USP32: variants seen among roughly 807,000 people sequenced by gnomAD.
The protein encoded by USP32 is ubiquitin carboxyl-terminal hydrolase 32.
USP32 carries 59 observed loss-of-function variants against 204.8 expected under a neutral mutation model. The ratio of observed to expected loss-of-function variants is 0.29; its 90% CI spans 0.23 to 0.36. The LOEUF is 0.36. Among genes scored for constraint, USP32 ranks in the 10% least tolerant of loss-of-function variants. The pLI is 1.00. For synonymous variants in USP32, 517 were observed against 678.4 expected (o/e 0.76, Z 3.70); for missense variants, 1,160 against 1,946.4 (o/e 0.60, Z 7.60).
intron 1 of USP32, among the ~76,000 whole-genome samples, chr17:60,385,581 C>T (rs1419483804): frequency 2.0e-5 from 3 of 151,748 alleles, no homozygotes; most frequent in African/African-American, 4.8e-5. Context: ...GTGGCTCACG[C>T]CTATAATCTC....
chr17:60,320,252 T>C (rs1012853901), intron 2 of USP32, among the ~76,000 whole-genome samples: 8 of 152,172 alleles, frequency 5.3e-5, no homozygotes, highest in African/African-American at 9.7e-5. Context: ...ATGTTTCTGG[T>C]CACAAAAATA....
chr17:60,339,444 G>A (rs1374830697), intron 2 of USP32, among the ~76,000 whole-genome samples: 4 of 151,648 alleles, frequency 2.6e-5, no homozygotes, highest in African/African-American at 9.7e-5. Context: ...TTAGCCAGGC[G>A]TGGTGGTGGG....
In USP32 at chr17:60,269,501, A is replaced by T; in HGVS notation, c.760T>A (p.Ser254Thr). Residue 254 changes from serine to threonine, a missense_variant, in exon 7 of 34, where the codon TCC becomes ACC. By Grantham distance (58) the Ser-to-Thr change is moderately conservative (BLOSUM62 1). Around this residue, in one of 8 missense-constraint regions of USP32, gnomAD observed 536 missense variants for 680.9 expected, o/e 0.79. Transcript: ENST00000300896. ...CTGCAACAGGCTGATAACCCACAGG[A>T]TATCTCCTTAAAATCTATGTGATTG... is the stretch of plus-strand genomic sequence containing the variant. ...RDNHIDFKEISCGLSACCRGP... is the reference protein window; with the variant it reads ...RDNHIDFKEITCGLSACCRGP... 2 of 1,611,482 alleles carry T rather than the reference A, an allele frequency of 1.2e-6. No homozygotes were observed. Among genetic ancestry groups the T allele is most frequent in the South Asian group, 2.2e-5 (2 of 90,532 alleles).
At chr17:60,410,736 T>C (rs893362913) in intron 1 of USP32, among the ~76,000 whole-genome samples, 15 of 152,022 alleles carry the variant, frequency 9.9e-5, no homozygotes, top group African/African-American at 3.4e-4. Context: ...GTCTATACTA[T>C]ATAATGCTAT....
chr17:60,278,380 TAG>T lies in USP32; in HGVS notation c.572-6901_572-6900del, dbSNP rs1256493858. Among the ~76,000 whole-genome samples, 13 of 151,364 alleles carry T rather than the reference TAG, an allele frequency of 8.6e-5. No homozygotes were observed. In the East Asian group the frequency reaches 1.2e-3, roughly 14 times the overall value. On this transcript the variant is annotated intron_variant, in intron 5 of 33. Coordinates refer to ENST00000300896, the MANE Select transcript of USP32 (RefSeq NM_032582.4). ...TAGTGTGGAAAGTACAATGAAAAAA[TAG>T]AGAGTTTTCTGGGAGCACATACATG... is the stretch of plus-strand genomic sequence containing the variant.
At chr17:60,243,464 T>C (rs1567797141) in intron 11 of USP32, among the ~76,000 whole-genome samples, 2 of 152,208 alleles carry the variant, frequency 1.3e-5, no homozygotes, top group East Asian at 3.8e-4. Flanking sequence ...GTTCTACCAT[T>C]AAGTATGATC....
At chr17:60,288,761 C>A in intron 4 of USP32, 79 bp from the exon 5 acceptor site, 1 of 1,271,972 alleles carries the variant, frequency 7.9e-7, no homozygotes. Context: ...CTGAAATTTG[C>A]AATTAGTTGG....
chr17:60,202,256 C>T (rs943206310), intron 26 of USP32, among the ~76,000 whole-genome samples: 4 of 152,094 alleles, frequency 2.6e-5, no homozygotes, highest in African/African-American at 7.2e-5. Flanking sequence ...TATTCTATCC[C>T]AATGGTCTAC....
intron 1 of USP32, among the ~76,000 whole-genome samples, chr17:60,388,899 C>T (rs1170786481): frequency 6.6e-6 from 1 of 152,162 alleles, no homozygotes; most frequent in Non-Finnish European, 1.5e-5. Context: ...TGTTATCTGT[C>T]ATTAACATAA....
At chr17:60,361,629 G>A (rs2089208686) in intron 1 of USP32, among the ~76,000 whole-genome samples, 2 of 152,014 alleles carry the variant, frequency 1.3e-5, no homozygotes, top group Admixed American at 1.3e-4. Context: ...CTAGCCTCTT[G>A]TTCACTATTG....
intron 1 of USP32, among the ~76,000 whole-genome samples, chr17:60,416,694 A>T (rs1176663912): frequency 6.6e-6 from 1 of 152,138 alleles, no homozygotes; most frequent in Non-Finnish European, 1.5e-5. Flanking sequence ...CATGGTTGAT[A>T]ATAAAACCAT....
chr17:60,205,110 A>T (rs1489657113), intron 26 of USP32, among the ~76,000 whole-genome samples: 1 of 152,160 alleles, frequency 6.6e-6, no homozygotes, highest in Non-Finnish European at 1.5e-5. Flanking sequence ...ACAAATTTCT[A>T]AAGAAAGTAG....
At chr17:60,284,745 C>T (rs2087066539) in intron 5 of USP32, among the ~76,000 whole-genome samples, 1 of 152,166 alleles carries the variant, frequency 6.6e-6, no homozygotes, top group African/African-American at 2.4e-5. Flanking sequence ...AGCTCCTTGA[C>T]CAAATTTTTT....
chr17:60,420,083 ATTTTATTTT>A (rs574195470), intron 1 of USP32, among the ~76,000 whole-genome samples: 54 of 148,894 alleles, frequency 3.6e-4, no homozygotes, highest in African/African-American at 1.3e-3. Flanking sequence ...ATTTTATTTT[ATTTTATTTT>A]ATTTGTTTTG....
At chr17:60,408,827 G>A (rs1393189010) in intron 1 of USP32, among the ~76,000 whole-genome samples, 7 of 152,162 alleles carry the variant, frequency 4.6e-5, no homozygotes, top group African/African-American at 1.7e-4. Flanking sequence ...GAGCAGAGAC[G>A]GAACTAAGTG....
In USP32 at chr17:60,391,951, C is replaced by A. The variant is rs775678943; in HGVS notation, c.-12G>T. On this transcript the variant is annotated 5_prime_UTR_variant, in exon 1 of 34. Transcript: ENST00000300896. ...TCCTTGGCACCCATGCTCCCCTCAT[C>A]CCCTCGGCGGGGGGTCGGAGCCTGA... 6.2e-7 allele frequency: 1 copy of A among 1,609,882 alleles called. No homozygotes were observed. Among genetic ancestry groups the A allele is most frequent in the Admixed American group, 1.7e-5 (1 of 59,398 alleles).
At chr17:60,347,148 T>C (rs1315665317) in intron 1 of USP32, among the ~76,000 whole-genome samples, 4 of 152,084 alleles carry the variant, frequency 2.6e-5, no homozygotes, top group South Asian at 4.2e-4. Context: ...CAGTAGAACT[T>C]GAAGCTAGAC....
At position 60,208,743 on chromosome 17, in the gene USP32, G is replaced by A; in HGVS notation, c.2684C>T (p.Thr895Ile). ...AAATCGGACACTTATATGCCCACAT[G>A]TCTTGCATTTTACTTGAGATCTTAG... ...GQLRSQVKCK[T>I]CGHISVRFDP... Residue 895 changes from threonine to isoleucine, a missense_variant, in exon 23 of 34, where the codon ACA (threonine) becomes ATA (isoleucine). Thr to Ile is a moderately conservative substitution (Grantham distance 89). This residue lies in a region of USP32 where 132 missense variants were observed against 432.8 expected (regional missense o/e 0.30). Transcript: ENST00000300896. The A allele has an allele frequency of 6.2e-6, 10 of 1,607,678 alleles. No individual in the cohort carries two copies. The highest frequency in any genetic ancestry group is 8.5e-6 in the Non-Finnish European group (10 of 1,177,682).
At chr17:60,213,789 G>C (rs1436820770) in intron 17 of USP32, 127 bp from the exon 18 acceptor site, 1 of 1,061,794 alleles carries the variant, frequency 9.4e-7, no homozygotes, top group Non-Finnish European at 1.3e-6. Flanking sequence ...CAAATATCTG[G>C]CCTACTATAG....
Sources: allele counts gnomAD v4.1 joint callset (sites outside exome capture counted in the v4.1 genomes callset), GRCh38; gene constraint gnomAD v4.1.1; regional missense constraint gnomAD v4.1.1; transcripts MANE v1.5; gene names NCBI Gene and HGNC (gene_info 2026-07-23, HGNC 2026-07-21).